Variants in ADAMTS16 observed in about 807,000 individuals in gnomAD.
ADAMTS16 encodes the protein ADAM metallopeptidase with thrombospondin type 1 motif 16, also known as A disintegrin and metalloproteinase with thrombospondin motifs 16.
A neutral mutation model predicts 145.8 loss-of-function variants in ADAMTS16; 94 were observed. The ratio of observed to expected loss-of-function variants is 0.64; its 90% CI spans 0.55 to 0.77. The LOEUF is 0.77. ADAMTS16 is among the 30% of genes least tolerant of loss of function. The probability of loss-of-function intolerance (pLI) is 0.00; values close to 1 mark genes in which losing one functional copy is unlikely to be tolerated. For missense variants in ADAMTS16, 1,585 were observed against 1,591.5 expected, an observed-to-expected ratio of 1.00 and a Z score of 0.07; for synonymous variants, 659 against 604.3, an observed-to-expected ratio of 1.09 and a Z score of -1.33.
intron 10 of ADAMTS16, among the ~76,000 whole-genome samples, chr5:5,214,447 C>T (rs551183920): frequency 6.6e-6 from 1 of 152,032 alleles, no homozygotes; most frequent in Non-Finnish European, 1.5e-5. Context: ...GCTCTATCGC[C>T]CAGGTTGGAG....
chr5:5,183,392 G>C (rs1274450042), intron 4 of ADAMTS16, among the ~76,000 whole-genome samples: 2 of 152,252 alleles, frequency 1.3e-5, no homozygotes, highest in Non-Finnish European at 2.9e-5. Flanking sequence ...GGACCCAGAT[G>C]CGTGGCGGAG....
At chr5:5,294,224 C>T (rs549095023) in intron 18 of ADAMTS16, among the ~76,000 whole-genome samples, 46 of 152,284 alleles carry the variant, frequency 3.0e-4, no homozygotes, top group Non-Finnish European at 1.8e-4. Flanking sequence ...CAATTATATG[C>T]GGATGTGCCT....
At chr5:5,292,709 C>T (rs1739382778) in intron 18 of ADAMTS16, among the ~76,000 whole-genome samples, 1 of 152,024 alleles carries the variant, frequency 6.6e-6, no homozygotes, top group African/African-American at 2.4e-5. Flanking sequence ...CCTGTCCTAA[C>T]AGCCCTCATT....
chr5:5,209,201 G>C lies in ADAMTS16; in HGVS notation c.1560G>C (p.Trp520Cys). The change falls in exon 10 of 23, where the codon TGG becomes TGC. Residue 520 changes from tryptophan to cysteine, a missense_variant. Around this residue, in one of 3 missense-constraint regions of ADAMTS16, gnomAD observed 298 missense variants for 367.6 expected, o/e 0.81. Transcript: ENST00000274181. ...ATGATGCAAACACACAGTGCAAGTG[G>C]CAGTTCGGAGAGAAAGCCAAGCTCT... ...ELYDANTQCK[W>C]QFGEKAKLCM... is the part of the protein sequence containing the mutation. The C allele has an allele frequency of 2.5e-6, 4 of 1,613,968 alleles. No individual in the cohort carries two copies. The highest frequency in any genetic ancestry group is 3.4e-6 in the Non-Finnish European group (4 of 1,179,880).
At chr5:5,263,299 C>A (rs1284058730) in intron 18 of ADAMTS16, among the ~76,000 whole-genome samples, 1 of 152,196 alleles carries the variant, frequency 6.6e-6, no homozygotes, top group Non-Finnish European at 1.5e-5. Context: ...GTTCCTAAAC[C>A]CAAGCTCGGG....
In ADAMTS16 at chr5:5,193,181, G is replaced by A. The variant is rs565639520; in HGVS notation, c.1313+1391G>A. 9.9e-5 allele frequency among the ~76,000 whole-genome samples: 15 copies of A among 151,050 alleles called. No homozygotes were observed. The South Asian group carries it at 1.2e-3, about 13-fold the overall frequency. ...TGTGTGTGCGCGCGCGCACATATAC[G>A]TGTACATGTATGTTTGCGTGTGTAT... On this transcript the variant is annotated intron_variant, in intron 8 of 22. Transcript: ENST00000274181.
chr5:5,318,670 C>A (rs745849704), intron 22 of ADAMTS16, among the ~76,000 whole-genome samples: 1 of 152,144 alleles, frequency 6.6e-6, no homozygotes, highest in Non-Finnish European at 1.5e-5. Flanking sequence ...GATGGCTGGG[C>A]GCCTGTTAAG....
intron 21 of ADAMTS16, 131 bp downstream of exon 21, chr5:5,306,859 T>C: frequency 1.1e-6 from 1 of 936,140 alleles, no homozygotes; most frequent in Non-Finnish European, 1.6e-6. Context: ...GAGGTTTTCT[T>C]TCCAGAGCAT....
chr5:5,306,161 TACC>T (rs1740145507), intron 20 of ADAMTS16, among the ~76,000 whole-genome samples: 1 of 152,344 alleles, frequency 6.6e-6, no homozygotes, highest in East Asian at 1.9e-4. Flanking sequence ...CCGTGGTAGT[TACC>T]ACATGTACTT....
intron 13 of ADAMTS16, among the ~76,000 whole-genome samples, chr5:5,236,101 C>T (rs1737097476): frequency 6.6e-6 from 1 of 152,188 alleles, no homozygotes; most frequent in African/African-American, 2.4e-5. Flanking sequence ...GTGTATTCCT[C>T]CTGACTGCCA....
chr5:5,209,221 A>G lies in ADAMTS16; in HGVS notation c.1580A>G (p.Lys527Arg), dbSNP rs1196105809. ...AAGTGGCAGTTCGGAGAGAAAGCCA[A>G]GCTCTGCATGCTGGACTTTAAAAAG... is the stretch of plus-strand genomic sequence containing the variant. ...QCKWQFGEKAKLCMLDFKKDI... is the reference protein window; with the variant it reads ...QCKWQFGEKARLCMLDFKKDI... Residue 527 changes from lysine to arginine, a missense_variant, in exon 10 of 23, where the codon AAG (lysine) becomes AGG (arginine). This residue lies in a region of ADAMTS16 where 298 missense variants were observed against 367.6 expected (regional missense o/e 0.81). Transcript: ENST00000274181. 6.2e-7 allele frequency: 1 copy of G among 1,614,010 alleles called. No individual in the cohort carries two copies. Among genetic ancestry groups the G allele is most frequent in the Non-Finnish European group, 8.5e-7 (1 of 1,179,890 alleles).
intron 10 of ADAMTS16, among the ~76,000 whole-genome samples, chr5:5,220,708 G>A (rs1038381154): frequency 4.6e-5 from 7 of 152,020 alleles, no homozygotes; most frequent in Non-Finnish European, 8.8e-5. Context: ...ACTGCATTTA[G>A]TCCCCAGGAC....
chr5:5,311,676 A>G (rs1186835061), intron 21 of ADAMTS16, among the ~76,000 whole-genome samples: 1 of 150,940 alleles, frequency 6.6e-6, no homozygotes, highest in Non-Finnish European at 1.5e-5. Context: ...CCCCCCGAGT[A>G]GCTGGGACTA....
chr5:5,144,257 A>G (rs1009543695), intron 2 of ADAMTS16, among the ~76,000 whole-genome samples: 2 of 152,170 alleles, frequency 1.3e-5, no homozygotes, highest in African/African-American at 4.8e-5. Flanking sequence ...TTTTGTCCAG[A>G]TAATCTACAA....
intron 16 of ADAMTS16, among the ~76,000 whole-genome samples, chr5:5,241,669 C>A (rs1737296698): frequency 6.6e-6 from 1 of 152,132 alleles, no homozygotes; most frequent in South Asian, 2.1e-4. Context: ...AAAGAAACAC[C>A]AATGAGATAG....
chr5:5,206,709 C>T (rs971321420), intron 9 of ADAMTS16, among the ~76,000 whole-genome samples: 3 of 151,848 alleles, frequency 2.0e-5, no homozygotes, highest in African/African-American at 2.4e-5. Context: ...CTCGAACTCC[C>T]GACCTCAACT....
intron 21 of ADAMTS16, among the ~76,000 whole-genome samples, chr5:5,315,655 G>A (rs1156327896): frequency 4.6e-5 from 7 of 152,158 alleles, no homozygotes; most frequent in Non-Finnish European, 4.4e-5. Flanking sequence ...CAAGGTTCTC[G>A]GCGCACTGTG....
chr5:5,262,824 G>A, intron 18 of ADAMTS16, 41 bp downstream of exon 18: 2 of 1,607,786 alleles, frequency 1.2e-6, no homozygotes, highest in Non-Finnish European at 1.7e-6. Context: ...TTCCCAGTTT[G>A]CAGACGTGCT....
chr5:5,176,314 A>T (rs1171290291), intron 3 of ADAMTS16: 1 of 152,178 alleles, frequency 6.6e-6, no homozygotes, highest in Non-Finnish European at 1.5e-5. Flanking sequence ...ACTGGGTAAG[A>T]AGTATTTACC....
Sources: allele counts gnomAD v4.1 joint callset (sites outside exome capture counted in the v4.1 genomes callset), GRCh38; gene constraint gnomAD v4.1.1; regional missense constraint gnomAD v4.1.1; transcripts MANE v1.5; gene names NCBI Gene and HGNC (gene_info 2026-07-23, HGNC 2026-07-21).